The following KCNH1 variants were observed in gnomAD, a reference collection of about 807,000 sequenced individuals.
KCNH1 encodes voltage-gated delayed rectifier potassium channel KCNH1.
Under a neutral mutation model 69.2 loss-of-function variants are expected in KCNH1, and 27 were observed. The observed-to-expected ratio is 0.39, with a 90% CI of 0.29 to 0.54. The LOEUF (loss-of-function observed/expected upper bound fraction) is 0.54. Ranked by LOEUF, KCNH1 falls within the 20% of genes least tolerant of loss-of-function variation. The pLI is 0.68. For synonymous variants in KCNH1, 456 were observed against 487.7 expected (o/e 0.93, Z 0.86); for missense variants, 798 against 1,261.6 (o/e 0.63, Z 5.57).
chr1:210,714,976 C>T (rs1682189061), intron 10 of KCNH1, among the ~76,000 whole-genome samples: 1 of 152,190 alleles, frequency 6.6e-6, no homozygotes, highest in Non-Finnish European at 1.5e-5. Context: ...TGATGTCTGA[C>T]CGGCACAGAC....
chr1:211,032,364 C>A (rs957879025), intron 5 of KCNH1, among the ~76,000 whole-genome samples: 3 of 152,114 alleles, frequency 2.0e-5, no homozygotes, highest in Admixed American at 1.3e-4. Flanking sequence ...TCAATGCCAT[C>A]CCCATCAAGC....
At chr1:210,918,488 G>C (rs948320695) in intron 7 of KCNH1, among the ~76,000 whole-genome samples, 16 of 152,132 alleles carry the variant, frequency 1.1e-4, no homozygotes, top group Non-Finnish European at 1.6e-4. Flanking sequence ...ATCCCAGTTA[G>C]GTCCCTTCCT....
intron 9 of KCNH1, among the ~76,000 whole-genome samples, chr1:210,796,106 G>A (rs555412898): frequency 6.7e-6 from 1 of 149,040 alleles, no homozygotes; most frequent in African/African-American, 2.5e-5. Flanking sequence ...AGTGAGCCGA[G>A]AGCATGCCAC....
chr1:210,861,272 G>A, intron 7 of KCNH1: 1 of 935,476 alleles, frequency 1.1e-6, no homozygotes, highest in Non-Finnish European at 1.8e-6. Context: ...CCAGGTGAGA[G>A]CATGAGAAAC....
intron 3 of KCNH1, among the ~76,000 whole-genome samples, chr1:211,093,630 G>T (rs1247715637): frequency 6.6e-6 from 1 of 152,180 alleles, no homozygotes; most frequent in Admixed American, 6.5e-5. Context: ...TTCCTTTGCA[G>T]TATCTAAATA....
At chr1:210,820,150 A>T (rs550243641) in intron 7 of KCNH1, among the ~76,000 whole-genome samples, 1 of 152,268 alleles carries the variant, frequency 6.6e-6, no homozygotes, top group African/African-American at 2.4e-5. Context: ...TAGATAACTC[A>T]TACAGAAATG....
At chr1:210,859,243 T>C in intron 7 of KCNH1, 1 of 1,612,094 alleles carries the variant, frequency 6.2e-7, no homozygotes, top group Admixed American at 1.7e-5. Context: ...TGAATTTGTA[T>C]CCTCCATGCT....
intron 7 of KCNH1, among the ~76,000 whole-genome samples, chr1:210,863,208 C>T (rs889336526): frequency 1.3e-5 from 2 of 152,198 alleles, no homozygotes; most frequent in African/African-American, 4.8e-5. Flanking sequence ...CCTATCAATG[C>T]ACCCACCAAG....
At chr1:210,775,264 CAA>C in intron 10 of KCNH1, 82 bp downstream of exon 10, 4 of 1,181,438 alleles carry the variant, frequency 3.4e-6, no homozygotes, top group Non-Finnish European at 3.6e-6. Context: ...AAATAAACAG[CAA>C]AGGGACTTTT....
chr1:210,852,511 T>G (rs2102468562), intron 7 of KCNH1, among the ~76,000 whole-genome samples: 1 of 152,312 alleles, frequency 6.6e-6, no homozygotes, highest in Admixed American at 6.5e-5. Context: ...AAGCCTTCTA[T>G]TTTAATGATT....
intron 7 of KCNH1, among the ~76,000 whole-genome samples, chr1:210,845,434 C>T (rs1159924940): frequency 0.03 from 3,162 of 104,782 alleles, no homozygotes; most frequent in Non-Finnish European, 0.039. Flanking sequence ...ATACGCAAAT[C>T]AATAAATGTA....
rs1432307436 is a variant in KCNH1 at position 211,082,828 on chromosome 1, T to G, written c.510A>C (p.Pro170=). The G allele has an allele frequency of 6.2e-7, 1 of 1,614,186 alleles. No individual in the cohort carries two copies. Among genetic ancestry groups the G allele is most frequent in the Admixed American group, 1.7e-5 (1 of 60,022 alleles). The change falls in exon 5 of 11, where the codon CCA becomes CCC. Residue 170 remains proline, a synonymous_variant. Coordinates refer to ENST00000271751, the MANE Select transcript of KCNH1 (RefSeq NM_172362.3). ...GGACATTCTCGCCTTTTTGCACGCT[T>G]GGAGCCAGCTGCTGCAGGACACCCC... ...SSRGVLQQLA[P]SVQKGENVHK...
chr1:210,710,420 GAGAC>G (rs894511123), intron 10 of KCNH1, among the ~76,000 whole-genome samples: 14 of 152,116 alleles, frequency 9.2e-5, no homozygotes, highest in Non-Finnish European at 1.8e-4. Flanking sequence ...GACGGAAAGA[GAGAC>G]AGAAAGAGAG....
intron 5 of KCNH1, among the ~76,000 whole-genome samples, chr1:211,073,344 T>C (rs1690680079): frequency 6.6e-6 from 1 of 152,180 alleles, no homozygotes; most frequent in Non-Finnish European, 1.5e-5. Context: ...AAGGATATAG[T>C]TGAACTCAAT....
chr1:210,961,537 A>G (rs897699519), intron 6 of KCNH1, among the ~76,000 whole-genome samples: 4 of 152,092 alleles, frequency 2.6e-5, no homozygotes, highest in African/African-American at 9.7e-5. Flanking sequence ...TGTTTCCTGA[A>G]TATACAGAAT....
Position 211,126,366 on chromosome 1 carries a change from C to T in KCNH1, c.79+7501G>A, listed in dbSNP as rs182038760. Among the ~76,000 whole-genome samples, 332 of 152,142 alleles carry T rather than the reference C, an allele frequency of 2.2e-3. 6 individuals are homozygous for T. Among genetic ancestry groups the T allele is most frequent in the African/African-American group, 7.5e-3 (312 of 41,490 alleles). ...TCTACTAAAAATACAAAAAATTAGC[C>T]GGGCATGGTGGCGGGCTCCTGTAGT... On this transcript the variant is annotated intron_variant, in intron 1 of 10. Transcript: ENST00000271751.
chr1:210,853,544 G>A (rs1685756905), intron 7 of KCNH1, among the ~76,000 whole-genome samples: 1 of 152,180 alleles, frequency 6.6e-6, no homozygotes, highest in Non-Finnish European at 1.5e-5. Context: ...AGGGCTCCTG[G>A]TGGGCAAGTG....
rs1001556983 is a variant in KCNH1 at position 211,126,942 on chromosome 1, C to T, written c.79+6925G>A. On this transcript the variant is annotated intron_variant, in intron 1 of 10. Coordinates refer to ENST00000271751, the MANE Select transcript of KCNH1 (RefSeq NM_172362.3). ...CTTACGGGATCTGGTTATCCCACAC[C>T]CAACCTCACAAAAAAAAATAGCTAT... Among the ~76,000 whole-genome samples the T allele has an allele frequency of 6.0e-5, 9 of 150,030 alleles. No individual in the cohort carries two copies. The East Asian group carries it at 1.6e-3, about 27-fold the overall frequency.
At chr1:210,980,834 T>C (rs1393902991) in intron 6 of KCNH1, among the ~76,000 whole-genome samples, 1 of 152,084 alleles carries the variant, frequency 6.6e-6, no homozygotes, top group East Asian at 1.9e-4. Context: ...TGTGTGTGTG[T>C]GTGTGTGTGT....
Sources: allele counts gnomAD v4.1 joint callset (sites outside exome capture counted in the v4.1 genomes callset), GRCh38; gene constraint gnomAD v4.1.1; transcripts MANE v1.5; gene names NCBI Gene and HGNC (gene_info 2026-07-23, HGNC 2026-07-21).